The following NT5E variants were observed in gnomAD, a reference collection of about 807,000 sequenced individuals.
NT5E encodes 5'-nucleotidase.
NT5E carries 53 observed loss-of-function variants against 55.1 expected under a neutral mutation model. That is an observed-to-expected ratio of 0.96 (90% CI 0.77 to 1.21). NT5E has a LOEUF of 1.21. NT5E is among the 50% of genes most tolerant of loss of function. The pLI, the probability that NT5E is intolerant of heterozygous loss-of-function variation, is 0.00. For synonymous variants in NT5E, 270 were observed against 278.4 expected (o/e 0.97, Z 0.30); for missense variants, 683 against 724.3 (o/e 0.94, Z 0.65).
At chr6:85,464,041 T>C (rs1319911002) in intron 1 of NT5E, among the ~76,000 whole-genome samples, 1 of 150,634 alleles carries the variant, frequency 6.6e-6, no homozygotes, top group African/African-American at 2.4e-5. Context: ...GTGCAAGGGA[T>C]ACATTTGCTG....
chr6:85,495,126 G>C lies in NT5E; in HGVS notation c.*1122G>C, dbSNP rs1448919322. ...CAGTTATGGAATGTCCAGAGTTCTC[G>C]AAGAAAATAAATGACTTTAGGAAGA... is the stretch of plus-strand genomic sequence containing the variant. On this transcript the variant is annotated 3_prime_UTR_variant, in exon 9 of 9. Transcript: ENST00000257770. 2.0e-5 allele frequency: 3 copies of C among 152,174 alleles called. No homozygotes were observed. Among genetic ancestry groups the C allele is most frequent in the Admixed American group, 1.3e-4 (2 of 15,280 alleles). 9.4% of individuals were successfully genotyped at this position (152,174 alleles called of 1,614,324 possible).
At chr6:85,470,173 T>C (rs1186159113) in intron 2 of NT5E, among the ~76,000 whole-genome samples, 2 of 152,212 alleles carry the variant, frequency 1.3e-5, no homozygotes, top group African/African-American at 4.8e-5. Flanking sequence ...TGCAGTCATC[T>C]TCATGCCAGT....
At chr6:85,454,197 C>T (rs1768945748) in intron 1 of NT5E, among the ~76,000 whole-genome samples, 1 of 152,226 alleles carries the variant, frequency 6.6e-6, no homozygotes, top group Non-Finnish European at 1.5e-5. Flanking sequence ...GATGGTCTCA[C>T]CAGATGATTT....
chr6:85,462,066 G>A lies in NT5E; in HGVS notation c.340-4994G>A, dbSNP rs570922672. ...TCTCCTGCCCGTGCCCTCATGCCCA[G>A]CCAGCTGAATATTCCTGTGGCTTCC... On this transcript the variant is annotated intron_variant, in intron 1 of 8. Transcript: ENST00000257770. Among the ~76,000 whole-genome samples, 3 of 152,220 alleles carry A rather than the reference G, an allele frequency of 2.0e-5. No individual in the cohort carries two copies. The South Asian group carries it at 6.2e-4, about 32-fold the overall frequency.
At chr6:85,491,090 G>A in intron 7 of NT5E, 1 of 530,376 alleles carries the variant, frequency 1.9e-6, no homozygotes, top group Non-Finnish European at 3.9e-6. Context: ...GGAAGGAGCA[G>A]CCTACTGCAC....
intron 4 of NT5E, among the ~76,000 whole-genome samples, chr6:85,487,116 G>A (rs1360601962): frequency 1.3e-5 from 2 of 152,184 alleles, no homozygotes; most frequent in Admixed American, 6.5e-5. Context: ...GCTGGTAGAT[G>A]TTCAGAATAT....
intron 1 of NT5E, among the ~76,000 whole-genome samples, chr6:85,452,706 G>A (rs1443310171): frequency 1.3e-5 from 2 of 152,176 alleles, no homozygotes; most frequent in African/African-American, 2.4e-5. Context: ...GCTAAAGCAT[G>A]TGCTAAAGCT....
chr6:85,465,997 GTT>G (rs1415295569), intron 1 of NT5E, among the ~76,000 whole-genome samples: 1 of 152,194 alleles, frequency 6.6e-6, no homozygotes, highest in Non-Finnish European at 1.5e-5. Context: ...AGATTTGCTG[GTT>G]TAAGTACTAA....
Position 85,462,007 on chromosome 6 carries a change from G to A in NT5E, c.340-5053G>A, listed in dbSNP as rs373626935. Among the ~76,000 whole-genome samples, 5 of 152,178 alleles carry A rather than the reference G, an allele frequency of 3.3e-5. No homozygotes were observed. In the East Asian group the frequency reaches 5.8e-4, roughly 18 times the overall value. On this transcript the variant is annotated intron_variant, in intron 1 of 8. Transcript: ENST00000257770. ...CATATGGTTCCTGTTGGAAATGCAC[G>A]GAGGAGCAGTGAAACACCAGAAGCC...
intron 1 of NT5E, among the ~76,000 whole-genome samples, chr6:85,465,164 A>C (rs1769166601): frequency 1.3e-5 from 2 of 152,196 alleles, no homozygotes; most frequent in African/African-American, 4.8e-5. Context: ...AGAGGTGAAA[A>C]GACAGTCAAA....
At chr6:85,488,881 C>CTTTTTTTTTTTTT (rs71679910) in intron 5 of NT5E, among the ~76,000 whole-genome samples, 1 of 102,708 alleles carries the variant, frequency 9.7e-6, no homozygotes, top group African/African-American at 3.4e-5. Flanking sequence ...TATGCCTGGC[C>CTTTTTTTTTTTTT]TTTTTTTTTT....
At chr6:85,465,813 T>C (rs1769181621) in intron 1 of NT5E, among the ~76,000 whole-genome samples, 1 of 152,098 alleles carries the variant, frequency 6.6e-6, no homozygotes, top group Non-Finnish European at 1.5e-5. Flanking sequence ...AAAAGAAAGA[T>C]CCTGCTAACA....
chr6:85,465,442 AC>A (rs1192067899), intron 1 of NT5E, among the ~76,000 whole-genome samples: 1 of 152,188 alleles, frequency 6.6e-6, no homozygotes, highest in Non-Finnish European at 1.5e-5. Flanking sequence ...AAAAATCATA[AC>A]ATTCTAAGAA....
rs1386425103 is a variant in NT5E at position 85,494,165 on chromosome 6, C to T, written c.*161C>T. The T allele has an allele frequency of 1.4e-6, 1 of 724,742 alleles. No individual in the cohort carries two copies. The highest frequency in any genetic ancestry group is 2.3e-6 in the Non-Finnish European group (1 of 436,008). The allele number at this position is 724,742 out of a possible 1,614,324, so 44.9% of individuals were successfully genotyped here. A position where few individuals can be genotyped will look rare whatever the true frequency, so the allele number is the denominator to read the frequency against. On this transcript the variant is annotated 3_prime_UTR_variant, in exon 9 of 9. Coordinates refer to ENST00000257770, the MANE Select transcript of NT5E (RefSeq NM_002526.4). ...TAAAATGAAGAGACAGACATGATTACTCAGGGTCAGCAACCTAGTGAGTTA... is the reference window on the plus strand; with the variant it reads ...TAAAATGAAGAGACAGACATGATTATTCAGGGTCAGCAACCTAGTGAGTTA...
At chr6:85,458,713 C>T (rs1358430297) in intron 1 of NT5E, among the ~76,000 whole-genome samples, 1 of 152,114 alleles carries the variant, frequency 6.6e-6, no homozygotes, top group Non-Finnish European at 1.5e-5. Flanking sequence ...GCCCTCTAGC[C>T]CCTCAGAGAT....
At chr6:85,475,596 G>C (rs1440401554) in intron 3 of NT5E, among the ~76,000 whole-genome samples, 3 of 152,200 alleles carry the variant, frequency 2.0e-5, no homozygotes, top group African/African-American at 7.2e-5. Flanking sequence ...GGTCCATGTT[G>C]CTTCCTTTAG....
rs143859595 is a variant in NT5E, at chr6:85,492,087, G to A, written c.1471G>A (p.Glu491Lys). The change falls in exon 8 of 9, where the codon GAG becomes AAG. Residue 491 changes from glutamate to lysine, a missense_variant. Transcript: ENST00000257770. ...CAGTTATGACCCTCTCAAAATGGAC[G>A]AGGTATATAAGGTGATCCTCCCAAA... ...VPSYDPLKMD[E>K]VYKVILPNFL... 23 of 1,614,106 alleles carry A rather than the reference G, an allele frequency of 1.4e-5. No homozygotes were observed. The highest frequency in any genetic ancestry group is 1.8e-5 in the Non-Finnish European group (21 of 1,179,978).
chr6:85,454,429 G>T (rs1768949506), intron 1 of NT5E, among the ~76,000 whole-genome samples: 1 of 152,192 alleles, frequency 6.6e-6, no homozygotes, highest in Non-Finnish European at 1.5e-5. Flanking sequence ...TAACTAGTGA[G>T]TTTGGACATT....
At chr6:85,453,781 G>T (rs1400419084) in intron 1 of NT5E, among the ~76,000 whole-genome samples, 2 of 152,172 alleles carry the variant, frequency 1.3e-5, no homozygotes, top group Non-Finnish European at 2.9e-5. Context: ...TGGGAACCAT[G>T]GCCCCCGCCT....
Sources: allele counts gnomAD v4.1 joint callset (sites outside exome capture counted in the v4.1 genomes callset), GRCh38; gene constraint gnomAD v4.1.1; transcripts MANE v1.5; gene names NCBI Gene and HGNC (gene_info 2026-07-23, HGNC 2026-07-21).